Variants in LRRN2 observed in about 807,000 individuals in gnomAD.
LRRN2 encodes the protein leucine-rich repeat neuronal protein 2.
A neutral mutation model predicts 35.7 loss-of-function variants in LRRN2; 10 were observed. The observed-to-expected ratio is 0.28, with a 90% CI of 0.17 to 0.47. The LOEUF (loss-of-function observed/expected upper bound fraction) is 0.47. Among genes scored for constraint, LRRN2 ranks in the 20% least tolerant of loss-of-function variants. The probability of loss-of-function intolerance (pLI) is 0.99; values close to 1 mark genes in which losing one functional copy is unlikely to be tolerated. For missense variants in LRRN2, 731 were observed against 940.3 expected (o/e 0.78, Z 2.91); for synonymous variants, 391 against 409.6 (o/e 0.95, Z 0.55).
chr1:204,634,789 A>G (rs1033339247), intron 1 of LRRN2, among the ~76,000 whole-genome samples: 6 of 152,216 alleles, frequency 3.9e-5, no homozygotes, highest in Non-Finnish European at 5.9e-5. Flanking sequence ...GTTTTAAGCC[A>G]TCCAGTAACA....
intron 1 of LRRN2, among the ~76,000 whole-genome samples, chr1:204,655,199 C>T (rs762488791): frequency 3.3e-5 from 5 of 152,164 alleles, no homozygotes; most frequent in African/African-American, 9.6e-5. Context: ...TCTCCGACAG[C>T]GGAACTGACC....
chr1:204,641,005 G>GAA (rs58950375), intron 1 of LRRN2, among the ~76,000 whole-genome samples: 53,777 of 141,734 alleles, frequency 0.38, 11,028 homozygotes, highest in Admixed American at 0.5. Context: ...GGTTAAAAAA[G>GAA]AAAAAAAAAA....
At chr1:204,666,486 A>G (rs989046331) in intron 1 of LRRN2, among the ~76,000 whole-genome samples, 9 of 152,232 alleles carry the variant, frequency 5.9e-5, no homozygotes, top group Non-Finnish European at 1.3e-4. Context: ...TAGTCATGTG[A>G]TCCTGGGCCA....
Position 204,617,971 on chromosome 1 carries a change from C to T in LRRN2, c.2022G>A (p.Trp674Ter). The T allele has an allele frequency of 6.2e-7, 1 of 1,613,810 alleles. No homozygotes were observed. Among genetic ancestry groups the T allele is most frequent in the African/African-American group, 1.3e-5 (1 of 75,030 alleles). Residue 674 changes from tryptophan (W) to a stop codon, truncating the protein, a stop_gained, in exon 2 of 2, where the codon TGG (tryptophan) becomes TGA (stop). Transcript: ENST00000367177. LOFTEE classifies it high-confidence loss of function. ...ACACAACCCGGACAGAAGGGGCACT[C>T]CAGCCCCAGAAAGCCCAGGCTGGAG... is the stretch of plus-strand genomic sequence containing the variant. ...PLPPAWAFWG[W>*]SAPSVRVVSA...
Position 204,619,442 on chromosome 1 carries a change from C to G in LRRN2, c.551G>C (p.Trp184Ser). 1 of 1,614,276 alleles carries G rather than the reference C, an allele frequency of 6.2e-7. No homozygotes were observed. The highest frequency in any genetic ancestry group is 2.2e-5 in the East Asian group (1 of 44,886). Residue 184 changes from tryptophan to serine, a missense_variant, in exon 2 of 2, where the codon TGG becomes TCG. Coordinates refer to ENST00000367177, the MANE Select transcript of LRRN2 (RefSeq NM_201630.2). ...CTCCAAGTTGGGCAGCATTTCAAAC[C>G]AGCGGCTGTCAATGGCCCTCAGGAG... is the stretch of plus-strand genomic sequence containing the variant. ...SNLLRAIDSR[W>S]FEMLPNLEIL... is the part of the protein sequence containing the mutation.
chr1:204,650,328 T>C (rs1410641526), intron 1 of LRRN2, among the ~76,000 whole-genome samples: 1 of 152,238 alleles, frequency 6.6e-6, no homozygotes, highest in East Asian at 1.9e-4. Context: ...GGGAAATTAA[T>C]TGTTTGAAGT....
chr1:204,665,239 C>CG (rs1668552514), intron 1 of LRRN2, among the ~76,000 whole-genome samples: 1 of 152,072 alleles, frequency 6.6e-6, no homozygotes, highest in Non-Finnish European at 1.5e-5. Context: ...CATGCATTCC[C>CG]GGGGGTCTCA....
chr1:204,621,952 C>T (rs1281267127), intron 1 of LRRN2: 1 of 167,114 alleles, frequency 6.0e-6, no homozygotes, highest in Non-Finnish European at 1.5e-5. Flanking sequence ...ACTCTCATAA[C>T]AGGTACATGA....
intron 1 of LRRN2, among the ~76,000 whole-genome samples, chr1:204,675,578 C>A (rs1668809652): frequency 6.6e-6 from 1 of 152,254 alleles, no homozygotes; most frequent in East Asian, 1.9e-4. Context: ...CAGATGCTGA[C>A]TTCTGCCTCC....
intron 1 of LRRN2, among the ~76,000 whole-genome samples, chr1:204,645,268 G>A (rs1668079149): frequency 6.6e-6 from 1 of 152,240 alleles, no homozygotes; most frequent in Non-Finnish European, 1.5e-5. Context: ...TCTGGCCCTA[G>A]AGTAACAGTT....
At position 204,618,498 on chromosome 1, in the gene LRRN2, C is replaced by T; in HGVS notation, c.1495G>A (p.Ala499Thr). 1 of 1,614,238 alleles carries T rather than the reference C, an allele frequency of 6.2e-7. No homozygotes were observed. The highest frequency in any genetic ancestry group is 8.5e-7 in the Non-Finnish European group (1 of 1,180,044). The change falls in exon 2 of 2, where the codon GCC becomes ACC. Residue 499 changes from alanine to threonine, a missense_variant. Ala to Thr is a moderately conservative substitution (Grantham distance 58). This residue lies in a region of LRRN2 where 256 missense variants were observed against 392.4 expected (regional missense o/e 0.65). Transcript: ENST00000367177. ...GTGTCAGCCCCCACCAGGTTCTGGGCCACACAGGTGTATAGCCCTGCCTCT... is the reference window on the plus strand; with the variant it reads ...GTGTCAGCCCCCACCAGGTTCTGGGTCACACAGGTGTATAGCCCTGCCTCT... Reference protein sequence around the residue: ...AEEAGLYTCVAQNLVGADTKT... With the variant: ...AEEAGLYTCVTQNLVGADTKT...
chr1:204,637,758 C>T lies in LRRN2; in HGVS notation c.-226-17540G>A, dbSNP rs562925496. On this transcript the variant is annotated intron_variant, in intron 1 of 1. Coordinates refer to ENST00000367177, the MANE Select transcript of LRRN2 (RefSeq NM_201630.2). ...CTGCGGGAAGGCCCCGACCCCCGGG[C>T]CTCATCTGTATGCTCCTCCACACCC... Among the ~76,000 whole-genome samples, 5 of 151,716 alleles carry T rather than the reference C, an allele frequency of 3.3e-5. No individual in the cohort carries two copies. In the South Asian group the frequency reaches 8.3e-4, roughly 25 times the overall value.
chr1:204,673,934 C>G (rs118123119), intron 1 of LRRN2, among the ~76,000 whole-genome samples: 2 of 152,138 alleles, frequency 1.3e-5, no homozygotes, highest in Non-Finnish European at 2.9e-5. Context: ...CCCACAGGAC[C>G]AAGTGACTCC....
At chr1:204,660,977 T>C (rs1433780554) in intron 1 of LRRN2, among the ~76,000 whole-genome samples, 1 of 152,126 alleles carries the variant, frequency 6.6e-6, no homozygotes, top group Non-Finnish European at 1.5e-5. Context: ...CTGGAAGCAC[T>C]AATGCTTGGA....
At chr1:204,680,752 G>A (rs1056106988) in intron 1 of LRRN2, among the ~76,000 whole-genome samples, 1 of 152,328 alleles carries the variant, frequency 6.6e-6, no homozygotes, top group African/African-American at 2.4e-5. Flanking sequence ...GGACGTGTCA[G>A]CGGTGATGGT....
chr1:204,658,942 C>T (rs1668413936), intron 1 of LRRN2, among the ~76,000 whole-genome samples: 3 of 152,216 alleles, frequency 2.0e-5, no homozygotes, highest in Admixed American at 6.5e-5. Flanking sequence ...TTGCTACTGT[C>T]ATTCAAAAGT....
intron 1 of LRRN2, among the ~76,000 whole-genome samples, chr1:204,624,954 G>T (rs1017362768): frequency 1.3e-5 from 2 of 152,266 alleles, no homozygotes; most frequent in Non-Finnish European, 2.9e-5. Flanking sequence ...GATGCTGAGG[G>T]TGAGGAAGGC....
At chr1:204,662,753 G>GATGAGTA (rs1668497736) in intron 1 of LRRN2, among the ~76,000 whole-genome samples, 1 of 152,190 alleles carries the variant, frequency 6.6e-6, no homozygotes, top group South Asian at 2.1e-4. Context: ...ATACACATTT[G>GATGAGTA]ATGAGTAACT....
rs187388194 is a variant in LRRN2 at position 204,640,501 on chromosome 1, C to T, written c.-226-20283G>A. ...CTTCTCCCCCTCCTGGAAGGGCGTT[C>T]AGGGGCTGTAGCAAACGGAGCCTGT... On this transcript the variant is annotated intron_variant, in intron 1 of 1. Transcript: ENST00000367177. 1.8e-4 allele frequency among the ~76,000 whole-genome samples: 27 copies of T among 152,284 alleles called. No homozygotes were observed. In the East Asian group the frequency reaches 5.2e-3, roughly 29 times the overall value.
Sources: allele counts gnomAD v4.1 joint callset (sites outside exome capture counted in the v4.1 genomes callset), GRCh38; gene constraint gnomAD v4.1.1; regional missense constraint gnomAD v4.1.1; transcripts MANE v1.5; gene names NCBI Gene and HGNC (gene_info 2026-07-23, HGNC 2026-07-21).